MAGI2: variants seen among roughly 807,000 people sequenced by gnomAD.
MAGI2 encodes the protein membrane associated guanylate kinase, WW and PDZ domain containing 2, also known as membrane-associated guanylate kinase, WW and PDZ domain-containing protein 2.
A neutral mutation model predicts 133.3 loss-of-function variants in MAGI2; 35 were observed. The observed-to-expected ratio is 0.26, with a 90% confidence interval of 0.20 to 0.35. MAGI2 has a LOEUF of 0.35. Among genes scored for constraint, MAGI2 ranks in the 10% least tolerant of loss-of-function variants. The pLI, the probability that MAGI2 is intolerant of heterozygous loss-of-function variation, is 1.00. For synonymous variants in MAGI2, 729 were observed against 710.6 expected (o/e 1.03, Z -0.41); for missense variants, 1,636 against 1,863.4 (o/e 0.88, Z 2.25).
At chr7:78,217,785 C>T (rs1394439223) in intron 10 of MAGI2, among the ~76,000 whole-genome samples, 1 of 152,186 alleles carries the variant, frequency 6.6e-6, no homozygotes, top group Non-Finnish European at 1.5e-5. Context: ...TTCAGGTCAG[C>T]ACAAAGACCT....
chr7:78,064,365 T>C (rs2151144515), intron 21 of MAGI2, among the ~76,000 whole-genome samples: 1 of 152,212 alleles, frequency 6.6e-6, no homozygotes, highest in South Asian at 2.1e-4. Context: ...TGTATCTACA[T>C]AAATTTATAT....
chr7:78,288,893 C>A (rs1562760086), intron 9 of MAGI2, among the ~76,000 whole-genome samples: 1 of 152,212 alleles, frequency 6.6e-6, no homozygotes, highest in African/African-American at 2.4e-5. Context: ...AGGATCCTGA[C>A]TGTTAGAAGG....
intron 9 of MAGI2, among the ~76,000 whole-genome samples, chr7:78,263,137 T>C (rs1169443858): frequency 2.0e-5 from 3 of 152,168 alleles, no homozygotes; most frequent in Admixed American, 6.6e-5. Context: ...GCTGCATTCA[T>C]GTTGCTGTAA....
chr7:78,429,943 A>C lies in MAGI2; in HGVS notation c.1045+59818T>G, dbSNP rs1217897992. On this transcript the variant is annotated intron_variant, in intron 6 of 21. Transcript: ENST00000354212. Reference sequence around the variant, plus strand: ...GGCCACATGTCTAGTATAGTGATGGAGTTGGGATCTGAATCAGGCATTTTG... The same window carrying C: ...GGCCACATGTCTAGTATAGTGATGGCGTTGGGATCTGAATCAGGCATTTTG... Among the ~76,000 whole-genome samples the C allele has an allele frequency of 4.6e-5, 7 of 152,242 alleles. No homozygotes were observed. The South Asian group carries it at 1.0e-3, about 23-fold the overall frequency.
intron 9 of MAGI2, among the ~76,000 whole-genome samples, chr7:78,303,763 C>T (rs904613605): frequency 2.0e-5 from 3 of 152,258 alleles, no homozygotes; most frequent in African/African-American, 7.2e-5. Flanking sequence ...CACTAATTCC[C>T]TTGGTGATCT....
chr7:79,214,112 T>C (rs1037764012), intron 1 of MAGI2, among the ~76,000 whole-genome samples: 10 of 151,786 alleles, frequency 6.6e-5, no homozygotes, highest in Admixed American at 6.6e-4. Flanking sequence ...AATGTAAACG[T>C]TTTATGAAGA....
intron 2 of MAGI2, among the ~76,000 whole-genome samples, chr7:78,835,809 C>G (rs1791573325): frequency 6.6e-6 from 1 of 152,142 alleles, no homozygotes; most frequent in African/African-American, 2.4e-5. Context: ...AAATAATTTC[C>G]TATGACCAGA....
chr7:79,349,750 T>G (rs1841569717), intron 1 of MAGI2, among the ~76,000 whole-genome samples: 1 of 152,058 alleles, frequency 6.6e-6, no homozygotes, highest in Admixed American at 6.6e-5. Context: ...CTTATGGTAT[T>G]AATAGAAAGT....
At chr7:78,784,793 A>G (rs1225197709) in intron 2 of MAGI2, among the ~76,000 whole-genome samples, 1 of 152,186 alleles carries the variant, frequency 6.6e-6, no homozygotes, top group Admixed American at 6.5e-5. Flanking sequence ...CTGCTGTGTC[A>G]AGTAAAGCTT....
intron 1 of MAGI2, among the ~76,000 whole-genome samples, chr7:79,351,276 A>G (rs1731870081): frequency 6.6e-6 from 1 of 152,190 alleles, no homozygotes; most frequent in African/African-American, 2.4e-5. Context: ...AAAATATCAT[A>G]GGACATTCTG....
chr7:78,303,627 G>A (rs765928305), intron 9 of MAGI2, among the ~76,000 whole-genome samples: 3 of 151,964 alleles, frequency 2.0e-5, no homozygotes, highest in African/African-American at 7.3e-5. Context: ...TTTAGTCTTC[G>A]TTCACTTTCC....
chr7:79,017,722 G>T (rs150049710), intron 1 of MAGI2, among the ~76,000 whole-genome samples: 275 of 152,276 alleles, frequency 1.8e-3, no homozygotes, highest in African/African-American at 6.5e-3. Flanking sequence ...TAGACAAAAT[G>T]GACATTATAT....
intron 19 of MAGI2, among the ~76,000 whole-genome samples, chr7:78,126,866 C>G (rs1821038257): frequency 6.6e-6 from 1 of 152,156 alleles, no homozygotes; most frequent in African/African-American, 2.4e-5. Flanking sequence ...CTCAGAGGTC[C>G]CAGGTTAGAG....
intron 3 of MAGI2, among the ~76,000 whole-genome samples, chr7:78,523,867 G>C (rs1796720932): frequency 6.6e-6 from 1 of 152,048 alleles, no homozygotes; most frequent in Non-Finnish European, 1.5e-5. Flanking sequence ...CAAGGGGAAA[G>C]GCCGAAAAAC....
At chr7:79,274,187 T>G (rs959741346) in intron 1 of MAGI2, among the ~76,000 whole-genome samples, 11 of 152,132 alleles carry the variant, frequency 7.2e-5, no homozygotes, top group Non-Finnish European at 1.5e-4. Flanking sequence ...GAAAAACACT[T>G]ATTGTTTATC....
At chr7:78,733,066 C>T (rs188232996) in intron 2 of MAGI2, among the ~76,000 whole-genome samples, 2 of 152,146 alleles carry the variant, frequency 1.3e-5, no homozygotes, top group East Asian at 3.9e-4. Context: ...GCTTTAAAAA[C>T]ATAATAATAA....
chr7:79,421,208 T>A (rs945849351), intron 1 of MAGI2, among the ~76,000 whole-genome samples: 1 of 151,980 alleles, frequency 6.6e-6, no homozygotes, highest in Non-Finnish European at 1.5e-5. Flanking sequence ...TGCAGGCAAA[T>A]GACTATCTGT....
Position 78,920,561 on chromosome 7 carries a change from A to G in MAGI2, c.418+86529T>C, listed in dbSNP as rs188903110. On this transcript the variant is annotated intron_variant, in intron 2 of 21. Coordinates refer to ENST00000354212, the MANE Select transcript of MAGI2 (RefSeq NM_012301.4). ...TTGTTTTCTAATAAAAACTTAATGA[A>G]TTAACTGAAATTTTAGTATGAGGAA... Among the ~76,000 whole-genome samples the G allele has an allele frequency of 1.3e-4, 20 of 152,250 alleles. No individual in the cohort carries two copies. In the East Asian group the frequency reaches 3.5e-3, roughly 27 times the overall value.
At chr7:79,042,047 T>TC (rs1811717774) in intron 1 of MAGI2, among the ~76,000 whole-genome samples, 1 of 151,838 alleles carries the variant, frequency 6.6e-6, no homozygotes, top group Non-Finnish European at 1.5e-5. Flanking sequence ...ATTAAGAAAA[T>TC]GAAAAAAATA....
Sources: gnomAD v4.1 joint callset for allele counts (sites outside exome capture counted in the v4.1 genomes callset) on GRCh38, gnomAD v4.1.1 for gene constraint, MANE v1.5 for transcripts, NCBI Gene and HGNC (gene_info 2026-07-23, HGNC 2026-07-21) for gene names.